Variants in ZNF804A observed in about 807,000 individuals in gnomAD.
The protein encoded by ZNF804A is zinc finger protein 804A.
In ZNF804A, 2 loss-of-function variants were observed where a neutral mutation model predicts 16.5. That is an observed-to-expected ratio of 0.12 (90% CI 0.05 to 0.38). The LOEUF (loss-of-function observed/expected upper bound fraction) is 0.38, where lower values mean the gene tolerates loss of function less well. Ranked by LOEUF, ZNF804A falls within the 10% of genes least tolerant of loss-of-function variation. The pLI is 0.99. For missense variants in ZNF804A, 1,473 were observed against 1,390.7 expected (o/e 1.06, Z -0.94); for synonymous variants, 534 against 489.6 (o/e 1.09, Z -1.20).
chr2:184,872,694 C>T (rs1695994945), intron 2 of ZNF804A, among the ~76,000 whole-genome samples: 1 of 152,066 alleles, frequency 6.6e-6, no homozygotes, highest in Non-Finnish European at 1.5e-5. Context: ...CCAAAACTGA[C>T]CTCAGATTCA....
At chr2:184,700,001 G>A (rs1692894857) in intron 1 of ZNF804A, among the ~76,000 whole-genome samples, 1 of 151,996 alleles carries the variant, frequency 6.6e-6, no homozygotes, top group African/African-American at 2.4e-5. Flanking sequence ...AGAGAGAAGA[G>A]ATATGTGGAT....
intron 2 of ZNF804A, among the ~76,000 whole-genome samples, chr2:184,868,992 T>C (rs1695928978): frequency 6.6e-6 from 1 of 152,124 alleles, no homozygotes; most frequent in East Asian, 1.9e-4. Flanking sequence ...AAAGCTGAAA[T>C]CCAAAATGCT....
At chr2:184,906,439 A>G (rs1346758140) in intron 2 of ZNF804A, among the ~76,000 whole-genome samples, 4 of 151,938 alleles carry the variant, frequency 2.6e-5, no homozygotes, top group Non-Finnish European at 4.4e-5. Flanking sequence ...GGCTGGGACT[A>G]CAGGTGCACA....
chr2:184,623,248 A>G (rs1691445941), intron 1 of ZNF804A, among the ~76,000 whole-genome samples: 1 of 152,122 alleles, frequency 6.6e-6, no homozygotes. Flanking sequence ...ACTGGGAAGT[A>G]ATGGGATATT....
intron 1 of ZNF804A, among the ~76,000 whole-genome samples, chr2:184,667,807 T>A (rs1326976061): frequency 2.0e-5 from 3 of 151,850 alleles, no homozygotes; most frequent in African/African-American, 4.8e-5. Flanking sequence ...TTAAAATAAA[T>A]CTTTTTGTGT....
chr2:184,825,508 G>A (rs1274735116), intron 1 of ZNF804A, among the ~76,000 whole-genome samples: 5 of 152,042 alleles, frequency 3.3e-5, no homozygotes, highest in Admixed American at 1.3e-4. Context: ...GTGTGTGTGT[G>A]TATATATATG....
At chr2:184,893,685 G>A (rs12693400) in intron 2 of ZNF804A, among the ~76,000 whole-genome samples, 49,567 of 151,894 alleles carry the variant, frequency 0.33, 10,813 homozygotes, top group African/African-American at 0.62. Flanking sequence ...ATTCTATGTG[G>A]AGTACACAAC....
chr2:184,923,323 A>C (rs575408194), intron 2 of ZNF804A, among the ~76,000 whole-genome samples: 2 of 151,942 alleles, frequency 1.3e-5, no homozygotes, highest in African/African-American at 4.8e-5. Context: ...AAATGAAATT[A>C]CTTTCTTAAT....
At chr2:184,637,369 T>C (rs1379553838) in intron 1 of ZNF804A, among the ~76,000 whole-genome samples, 1 of 152,164 alleles carries the variant, frequency 6.6e-6, no homozygotes, top group African/African-American at 2.4e-5. Flanking sequence ...AACTTGGTAC[T>C]CTCTGGAGAA....
chr2:184,932,952 A>G (rs1040900255), intron 2 of ZNF804A, among the ~76,000 whole-genome samples: 3 of 152,168 alleles, frequency 2.0e-5, no homozygotes, highest in African/African-American at 7.2e-5. Flanking sequence ...AATATCTTGA[A>G]TTATTCTGGA....
chr2:184,641,014 G>T (rs138320431), intron 1 of ZNF804A, among the ~76,000 whole-genome samples: 1 of 152,102 alleles, frequency 6.6e-6, no homozygotes, highest in Non-Finnish European at 1.5e-5. Context: ...GAGTGCGGTG[G>T]CACAATCTTG....
rs1190116535 is a variant in ZNF804A at position 184,936,146 on chromosome 2, T to C, written c.750T>C (p.Ser250=). 1.9e-6 allele frequency: 3 copies of C among 1,614,024 alleles called. No individual in the cohort carries two copies. Among genetic ancestry groups the C allele is most frequent in the Non-Finnish European group, 2.5e-6 (3 of 1,179,930 alleles). The change falls in exon 4 of 4, where the codon AGT becomes AGC. Residue 250 remains serine, a synonymous_variant. Coordinates refer to ENST00000302277, the MANE Select transcript of ZNF804A (RefSeq NM_194250.2). Reference sequence around the variant, plus strand: ...TGGGAAAAGGATTTAGCAGAAAAAGTAGATTTGTCCCCAGTGCTTGTCATC... The same window carrying C: ...TGGGAAAAGGATTTAGCAGAAAAAGCAGATTTGTCCCCAGTGCTTGTCATC... ...ASVGKGFSRK[S]RFVPSACHLQ... is the part of the protein sequence containing the mutation.
intron 1 of ZNF804A, among the ~76,000 whole-genome samples, chr2:184,707,688 A>G (rs1029433557): frequency 3.3e-5 from 5 of 152,086 alleles, no homozygotes; most frequent in Non-Finnish European, 7.4e-5. Flanking sequence ...CCAATCCTCT[A>G]TGGATGAGCA....
At chr2:184,868,120 T>A (rs1695903895) in intron 2 of ZNF804A, among the ~76,000 whole-genome samples, 1 of 152,014 alleles carries the variant, frequency 6.6e-6, no homozygotes, top group Non-Finnish European at 1.5e-5. Context: ...AATTTTGGTA[T>A]TCTAGAGGCC....
chr2:184,882,652 A>G (rs1019257163), intron 2 of ZNF804A, among the ~76,000 whole-genome samples: 11 of 152,132 alleles, frequency 7.2e-5, no homozygotes, highest in Non-Finnish European at 1.0e-4. Flanking sequence ...AAAACCATAT[A>G]GTTACATGGA....
chr2:184,629,305 G>A (rs1390320108), intron 1 of ZNF804A, among the ~76,000 whole-genome samples: 2 of 151,892 alleles, frequency 1.3e-5, no homozygotes, highest in East Asian at 3.9e-4. Flanking sequence ...TCCTTAGGGG[G>A]TGCAGCAAAA....
chr2:184,679,380 C>G (rs892947712), intron 1 of ZNF804A, among the ~76,000 whole-genome samples: 1 of 152,174 alleles, frequency 6.6e-6, no homozygotes, highest in African/African-American at 2.4e-5. Flanking sequence ...GGAGGCATGA[C>G]CAGGGATGCA....
chr2:184,723,404 AT>A (rs886277105), intron 1 of ZNF804A, among the ~76,000 whole-genome samples: 2 of 151,578 alleles, frequency 1.3e-5, no homozygotes, highest in African/African-American at 4.8e-5. Context: ...AAAATGTTTA[AT>A]TTTTTTTAAA....
At chr2:184,667,599 A>G (rs530995522) in intron 1 of ZNF804A, among the ~76,000 whole-genome samples, 1 of 151,896 alleles carries the variant, frequency 6.6e-6, no homozygotes, top group Non-Finnish European at 1.5e-5. Flanking sequence ...AGGGCCTTTC[A>G]CTATTCATAA....
Sources: gnomAD v4.1 joint callset for allele counts (sites outside exome capture counted in the v4.1 genomes callset) on GRCh38, gnomAD v4.1.1 for gene constraint, MANE v1.5 for transcripts, NCBI Gene and HGNC (gene_info 2026-07-23, HGNC 2026-07-21) for gene names.